Variants in GPR37L1 observed in about 807,000 individuals in gnomAD.
GPR37L1 encodes G protein-coupled receptor 37-like 1.
GPR37L1 carries 18 observed loss-of-function variants against 18.0 expected under a neutral mutation model. That is an observed-to-expected ratio of 1.00 (90% CI 0.69 to 1.49). The LOEUF is 1.49. Ranked by LOEUF, GPR37L1 falls within the 40% of genes most tolerant of loss-of-function variation. The probability of loss-of-function intolerance (pLI) is 0.00; values close to 1 mark genes in which losing one functional copy is unlikely to be tolerated. For synonymous variants in GPR37L1, 256 were observed against 273.9 expected (o/e 0.93, Z 0.65); for missense variants, 558 against 615.1 (o/e 0.91, Z 0.98).
chr1:202,130,288 CCAGGCCTACCTA>C lies in GPR37L1; in HGVS notation c.*1736_*1747del, dbSNP rs1485903122. 5.2e-5 allele frequency: 8 copies of C among 152,436 alleles called. No homozygotes were observed. Among genetic ancestry groups the C allele is most frequent in the African/African-American group, 1.9e-4 (8 of 41,448 alleles). 9.4% of individuals were successfully genotyped at this position (152,436 alleles called of 1,614,324 possible). On this transcript the variant is annotated 3_prime_UTR_variant, in exon 2 of 2. Transcript: ENST00000367282. ...CTGGGTCCCACCAGACTTCTGCCCA[CCAGGCCTACCTA>C]CAGCATCCACATGGGGCCTCAGGAA...
In GPR37L1 at chr1:202,123,150, G is replaced by T; in HGVS notation, c.187G>T (p.Glu63Ter). The stretch of plus-strand genomic sequence containing the variant: ...GGGCGTGCAGCAGTATGTGCCTGAG[G>T]AGTGGGCGGAGTACCCCCGGCCCAT... ...AKGVQQYVPE[E>*]WAEYPRPIHP... is the part of the protein sequence containing the mutation. The change falls in exon 1 of 2, where the codon GAG (glutamate) becomes TAG (stop). Residue 63 changes from glutamate to a stop codon, truncating the protein, a stop_gained. Coordinates refer to ENST00000367282, the MANE Select transcript of GPR37L1 (RefSeq NM_004767.5). LOFTEE classifies it high-confidence loss of function. 6.2e-7 allele frequency: 1 copy of T among 1,613,464 alleles called. No homozygotes were observed. The highest frequency in any genetic ancestry group is 8.5e-7 in the Non-Finnish European group (1 of 1,179,708).
In GPR37L1 at chr1:202,133,440, CATTGTT is replaced by C. The variant is rs1654916231; in HGVS notation, c.*4888_*4893del. The C allele has an allele frequency of 6.6e-6, 1 of 152,032 alleles. No individual in the cohort carries two copies. The highest frequency in any genetic ancestry group is 2.1e-4 in the South Asian group (1 of 4,836). The allele number at this position is 152,032 out of a possible 1,614,324, so 9.4% of individuals were successfully genotyped here. A position where few individuals can be genotyped will look rare whatever the true frequency, so the allele number is the denominator to read the frequency against. On this transcript the variant is annotated 3_prime_UTR_variant, in exon 2 of 2. Transcript: ENST00000367282. ...ACTGGTCATTTATTTTTTTTGTTGTCATTGTTATTAGGAAGCAAAAAAATGTACAGT... is the reference window on the plus strand; with the variant it reads ...ACTGGTCATTTATTTTTTTTGTTGTCATTAGGAAGCAAAAAAATGTACAGT...
rs142438985 is a variant in GPR37L1 at position 202,128,558 on chromosome 1, G to A, written c.*2G>A. ...CTGCCCCTGGGCACACCTTGCTGAG[G>A]CCCCAGTAGGGGTGGGGAGGGAGGG... On this transcript the variant is annotated 3_prime_UTR_variant, in exon 2 of 2. Coordinates refer to ENST00000367282, the MANE Select transcript of GPR37L1 (RefSeq NM_004767.5). 32 of 1,432,564 alleles carry A rather than the reference G, an allele frequency of 2.2e-5. No homozygotes were observed. In the African/African-American group the frequency reaches 3.9e-4, roughly 18 times the overall value. The allele number at this position is 1,432,564 out of a possible 1,614,324, so 88.7% of individuals were successfully genotyped here.
rs1654876378 is a variant in GPR37L1, at chr1:202,132,237, A to C, written c.*3681A>C. On this transcript the variant is annotated 3_prime_UTR_variant, in exon 2 of 2. Coordinates refer to ENST00000367282, the MANE Select transcript of GPR37L1 (RefSeq NM_004767.5). Reference sequence around the variant, plus strand: ...CCTCTCCCGGGATCCCAGGCCCAGGAAAACCTAGCCATGCTTGCAGTCAGG... The same window carrying C: ...CCTCTCCCGGGATCCCAGGCCCAGGCAAACCTAGCCATGCTTGCAGTCAGG... 1 of 152,268 alleles carries C rather than the reference A, an allele frequency of 6.6e-6. No homozygotes were observed. Among genetic ancestry groups the C allele is most frequent in the Admixed American group, 6.5e-5 (1 of 15,284 alleles). The allele number at this position is 152,268 out of a possible 1,614,324, so 9.4% of individuals were successfully genotyped here. A position where few individuals can be genotyped will look rare whatever the true frequency, so the allele number is the denominator to read the frequency against.
chr1:202,123,540 A>T lies in GPR37L1; in HGVS notation c.577A>T (p.Thr193Ser). ...CLPIVIFNEI[T>S]KQRLLGDVSC... The stretch of plus-strand genomic sequence containing the variant: ...CCCTATTGTCATCTTCAACGAGATC[A>T]CCAAGCAGAGGCTACTGGGTGACGT... The change falls in exon 1 of 2, where the codon ACC (threonine) becomes TCC (serine). Residue 193 changes from threonine to serine, a missense_variant. Coordinates refer to ENST00000367282, the MANE Select transcript of GPR37L1 (RefSeq NM_004767.5). 6.2e-7 allele frequency: 1 copy of T among 1,610,878 alleles called. No individual in the cohort carries two copies. Among genetic ancestry groups the T allele is most frequent in the South Asian group, 1.1e-5 (1 of 90,570 alleles).
At chr1:202,126,276 C>T (rs569834610) in intron 1 of GPR37L1, among the ~76,000 whole-genome samples, 5 of 151,934 alleles carry the variant, frequency 3.3e-5, no homozygotes, top group African/African-American at 7.3e-5. Flanking sequence ...GGTGTGGTGG[C>T]GCACACCTAT....
chr1:202,127,951 G>A lies in GPR37L1; in HGVS notation c.841G>A (p.Gly281Ser). Residue 281 changes from glycine to serine, a missense_variant, in exon 2 of 2, where the codon GGC (glycine) becomes AGC (serine). Coordinates refer to ENST00000367282, the MANE Select transcript of GPR37L1 (RefSeq NM_004767.5). ...GGCACAGGAGCCTGCCCCCACCATGGGCACCCTGGACTCATGCATCATGAA... is the reference window on the plus strand; with the variant it reads ...GGCACAGGAGCCTGCCCCCACCATGAGCACCCTGGACTCATGCATCATGAA... ...QLAQEPAPTMGTLDSCIMKPS... is the reference protein window; with the variant it reads ...QLAQEPAPTMSTLDSCIMKPS... 1 of 1,614,000 alleles carries A rather than the reference G, an allele frequency of 6.2e-7. No homozygotes were observed. The highest frequency in any genetic ancestry group is 8.5e-7 in the Non-Finnish European group (1 of 1,179,988).
At chr1:202,127,606 G>A (rs1434448149) in intron 1 of GPR37L1, 135 bp from the exon 2 acceptor site, 4 of 653,130 alleles carry the variant, frequency 6.1e-6, no homozygotes, top group Admixed American at 3.0e-5. Flanking sequence ...GTGAGTCACC[G>A]CACCCGGCCC....
chr1:202,128,797 T>G lies in GPR37L1; in HGVS notation c.*241T>G. ...GGTGATGCTTCTAGGTCCTTAGAACTGCCCAGAAACTCTGAGTCCCAGCAG... is the reference window on the plus strand; with the variant it reads ...GGTGATGCTTCTAGGTCCTTAGAACGGCCCAGAAACTCTGAGTCCCAGCAG... On this transcript the variant is annotated 3_prime_UTR_variant, in exon 2 of 2. Coordinates refer to ENST00000367282, the MANE Select transcript of GPR37L1 (RefSeq NM_004767.5). 2.3e-6 allele frequency: 1 copy of G among 428,304 alleles called. No homozygotes were observed. Among genetic ancestry groups the G allele is most frequent in the Non-Finnish European group, 4.1e-6 (1 of 241,428 alleles). The allele number at this position is 428,304 out of a possible 1,614,324, so 26.5% of individuals were successfully genotyped here.
Position 202,128,086 on chromosome 1 carries a change from G to C in GPR37L1, c.976G>C (p.Val326Leu), listed in dbSNP as rs780009156. The C allele has an allele frequency of 6.2e-7, 1 of 1,614,130 alleles. No homozygotes were observed. The highest frequency in any genetic ancestry group is 8.5e-7 in the Non-Finnish European group (1 of 1,180,030). The change falls in exon 2 of 2, where the codon GTC (valine) becomes CTC (leucine). Residue 326 changes from valine to leucine, a missense_variant. Coordinates refer to ENST00000367282, the MANE Select transcript of GPR37L1 (RefSeq NM_004767.5). ...CTTCTGCCTGCCCATCCTCTTCACA[G>C]TCACCTGCCAGCTGGTGACATGGCG... ...CYFCLPILFT[V>L]TCQLVTWRVR...
At position 202,130,558 on chromosome 1, in the gene GPR37L1, G is replaced by A. The variant is rs112801260; in HGVS notation, c.*2002G>A. 10,506 of 152,390 alleles carry A rather than the reference G, an allele frequency of 0.069. 430 individuals carry two copies. Among genetic ancestry groups the A allele is most frequent in the Middle Eastern group, 0.13 (39 of 294 alleles). The allele number at this position is 152,390 out of a possible 1,614,324, so 9.4% of individuals were successfully genotyped here. On this transcript the variant is annotated 3_prime_UTR_variant, in exon 2 of 2. Coordinates refer to ENST00000367282, the MANE Select transcript of GPR37L1 (RefSeq NM_004767.5). ...CGTTGCTAGGTGATGGCGCCGCCAT[G>A]CACACACCCTTTGTGCTGGGGAGTG...
rs1415090105 is a variant in GPR37L1 at position 202,132,502 on chromosome 1, G to A, written c.*3946G>A. ...GCCCTGGGCACCAATGAAGGTGAGG[G>A]GCTGGAGGGCCCAGGACGGGGAGTC... On this transcript the variant is annotated 3_prime_UTR_variant, in exon 2 of 2. Transcript: ENST00000367282. 1 of 152,310 alleles carries A rather than the reference G, an allele frequency of 6.6e-6. No individual in the cohort carries two copies. Among genetic ancestry groups the A allele is most frequent in the African/African-American group, 2.4e-5 (1 of 41,434 alleles). 9.4% of individuals were successfully genotyped at this position (152,310 alleles called of 1,614,324 possible).
Position 202,132,688 on chromosome 1 carries a change from C to G in GPR37L1, c.*4132C>G, listed in dbSNP as rs1181218283. ...GGAGGAGGTGGGGCTTACTGTGAAACTGGGTCAAGATGGCCTCGGATTTGA... is the reference window on the plus strand; with the variant it reads ...GGAGGAGGTGGGGCTTACTGTGAAAGTGGGTCAAGATGGCCTCGGATTTGA... On this transcript the variant is annotated 3_prime_UTR_variant, in exon 2 of 2. Transcript: ENST00000367282. 4 of 152,570 alleles carry G rather than the reference C, an allele frequency of 2.6e-5. No individual in the cohort carries two copies. In the East Asian group the frequency reaches 7.7e-4, roughly 29 times the overall value. 9.5% of individuals were successfully genotyped at this position (152,570 alleles called of 1,614,324 possible).
chr1:202,133,069 T>C lies in GPR37L1; in HGVS notation c.*4513T>C, dbSNP rs1010495065. On this transcript the variant is annotated 3_prime_UTR_variant, in exon 2 of 2. Transcript: ENST00000367282. ...GGGCCTAAGGAGAGTGCAGCTCAGTTCGCACACAACAGCACCCAGCCCTGT... is the reference window on the plus strand; with the variant it reads ...GGGCCTAAGGAGAGTGCAGCTCAGTCCGCACACAACAGCACCCAGCCCTGT... 1 of 152,346 alleles carries C rather than the reference T, an allele frequency of 6.6e-6. No individual in the cohort carries two copies. The highest frequency in any genetic ancestry group is 1.5e-5 in the Non-Finnish European group (1 of 68,196). 9.4% of individuals were successfully genotyped at this position (152,346 alleles called of 1,614,324 possible). A position where few individuals can be genotyped will look rare whatever the true frequency, so the allele number is the denominator to read the frequency against.
chr1:202,127,608 A>C, intron 1 of GPR37L1, 133 bp from the exon 2 acceptor site: 1 of 665,574 alleles, frequency 1.5e-6, no homozygotes, highest in Non-Finnish European at 2.6e-6. Flanking sequence ...GAGTCACCGC[A>C]CCCGGCCCAT....
Position 202,126,834 on chromosome 1 carries a change from C to CATGCGT in GPR37L1, c.631-907_631-906insATGCGT, listed in dbSNP as rs1489202791. 1.5e-3 allele frequency among the ~76,000 whole-genome samples: 96 copies of CATGCGT among 64,222 alleles called. 1 individual carries two copies. Among genetic ancestry groups the CATGCGT allele is most frequent in the African/African-American group, 5.1e-3 (91 of 17,746 alleles). 42.1% of individuals were successfully genotyped at this position (64,222 alleles called of 152,430 possible). A position where few individuals can be genotyped will look rare whatever the true frequency, so the allele number is the denominator to read the frequency against. ...CTCCGGACAGGGCCAGGAGCAGAAA[C>CATGCGT]GTGCGTGTGTGTGTGTGTGTGTGTG... On this transcript the variant is annotated intron_variant, in intron 1 of 1. Transcript: ENST00000367282.
In GPR37L1 at chr1:202,128,129, G is replaced by A. The variant is rs765701004; in HGVS notation, c.1019G>A (p.Gly340Glu). Residue 340 changes from glycine (G) to glutamate (E), a missense_variant, in exon 2 of 2, where the codon GGG becomes GAG. Coordinates refer to ENST00000367282, the MANE Select transcript of GPR37L1 (RefSeq NM_004767.5). Reference protein sequence around the residue: ...LVTWRVRGPPGRKSECRASKH... With the variant: ...LVTWRVRGPPERKSECRASKH... ...ACATGGCGGGTGCGAGGCCCTCCAG[G>A]GAGGAAGTCAGAGTGCAGGGCCAGC... 1 of 1,614,068 alleles carries A rather than the reference G, an allele frequency of 6.2e-7. No individual in the cohort carries two copies. Among genetic ancestry groups the A allele is most frequent in the Non-Finnish European group, 8.5e-7 (1 of 1,180,034 alleles).
intron 1 of GPR37L1, among the ~76,000 whole-genome samples, chr1:202,126,749 A>G (rs541321599): frequency 5.4e-4 from 82 of 152,038 alleles, no homozygotes; most frequent in Non-Finnish European, 1.1e-3. Context: ...GAGTGCGGGC[A>G]TGGTGGGCAC....
rs1156887973 is a variant in GPR37L1, at chr1:202,133,487, CCAAA to C, written c.*4934_*4937del. On this transcript the variant is annotated 3_prime_UTR_variant, in exon 2 of 2. Coordinates refer to ENST00000367282, the MANE Select transcript of GPR37L1 (RefSeq NM_004767.5). Reference sequence around the variant, plus strand: ...AATGTACAGTTACAAGAATCATTTTCCAAACAGAGGTTAAATATGAGCTGAAAAG... The same window carrying C: ...AATGTACAGTTACAAGAATCATTTTCCAGAGGTTAAATATGAGCTGAAAAG... 2 of 152,134 alleles carry C rather than the reference CCAAA, an allele frequency of 1.3e-5. No homozygotes were observed. The highest frequency in any genetic ancestry group is 2.9e-5 in the Non-Finnish European group (2 of 68,022). The allele number at this position is 152,134 out of a possible 1,614,324, so 9.4% of individuals were successfully genotyped here.
Sources: gnomAD v4.1 joint callset for allele counts (sites outside exome capture counted in the v4.1 genomes callset) on GRCh38, gnomAD v4.1.1 for gene constraint, MANE v1.5 for transcripts, NCBI Gene and HGNC (gene_info 2026-07-23, HGNC 2026-07-21) for gene names.